Variants in LPP observed in about 807,000 individuals in gnomAD.
The protein encoded by LPP is LIM domain containing preferred translocation partner in lipoma.
A neutral mutation model predicts 60.4 loss-of-function variants in LPP; 38 were observed. The ratio of observed to expected loss-of-function variants is 0.63; its 90% CI spans 0.49 to 0.83. The LOEUF is 0.83. Among genes scored for constraint, LPP ranks in the 40% least tolerant of loss-of-function variants. The pLI, the probability that LPP is intolerant of heterozygous loss-of-function variation, is 0.00. For missense variants in LPP, 902 were observed against 783.6 expected, an observed-to-expected ratio of 1.15 and a Z score of -1.80; for synonymous variants, 328 against 290.8, an observed-to-expected ratio of 1.13 and a Z score of -1.30.
intron 11 of LPP, 71 bp from the exon 12 acceptor site, chr3:188,874,280 A>G (rs1460821427): frequency 1.1e-4 from 156 of 1,482,348 alleles, no homozygotes; most frequent in Non-Finnish European, 3.6e-5. Flanking sequence ...AGAAAGCTCA[A>G]TCATGATGTT....
chr3:188,560,236 A>G (rs1227682765), intron 6 of LPP, among the ~76,000 whole-genome samples: 1 of 152,020 alleles, frequency 6.6e-6, no homozygotes, highest in Non-Finnish European at 1.5e-5. Flanking sequence ...AGGGTCTCTG[A>G]CGCATCTCTG....
At chr3:188,288,451 G>A (rs1440366830) in intron 2 of LPP, among the ~76,000 whole-genome samples, 1 of 152,086 alleles carries the variant, frequency 6.6e-6, no homozygotes, top group Non-Finnish European at 1.5e-5. Context: ...TCCAGATGAG[G>A]CAGTTGAGTG....
intron 6 of LPP, among the ~76,000 whole-genome samples, chr3:188,590,217 C>T (rs1838365988): frequency 6.6e-6 from 1 of 152,178 alleles, no homozygotes; most frequent in Non-Finnish European, 1.5e-5. Flanking sequence ...TAGAGAATAT[C>T]TAGGAACAAT....
intron 6 of LPP, among the ~76,000 whole-genome samples, chr3:188,583,616 C>T (rs1485464516): frequency 6.6e-6 from 1 of 152,118 alleles, no homozygotes; most frequent in African/African-American, 2.4e-5. Flanking sequence ...TTTTAAGTTC[C>T]ATGAGGACGA....
chr3:188,427,338 G>C lies in LPP; in HGVS notation c.193+21025G>C, dbSNP rs146305336. On this transcript the variant is annotated intron_variant, in intron 4 of 11. Coordinates refer to ENST00000617246, the MANE Select transcript of LPP (RefSeq NM_001375462.1). The stretch of plus-strand genomic sequence containing the variant: ...GAGAGATCTGCTGTTAGTCTGATGA[G>C]GTTCCCTTTGTAGGTAACCTGACCT... Among the ~76,000 whole-genome samples the C allele has an allele frequency of 2.5e-3, 373 of 152,244 alleles. 1 individual carries two copies. Among genetic ancestry groups the C allele is most frequent in the Middle Eastern group, 0.01 (3 of 294 alleles).
intron 3 of LPP, among the ~76,000 whole-genome samples, chr3:188,363,905 C>CCAA (rs747139354): frequency 6.2e-5 from 6 of 96,906 alleles, no homozygotes; most frequent in East Asian, 3.3e-4. Context: ...AACTCCCTCC[C>CCAA]AAAAAAAAAA....
At chr3:188,594,913 T>C (rs1423208590) in intron 6 of LPP, among the ~76,000 whole-genome samples, 1 of 152,208 alleles carries the variant, frequency 6.6e-6, no homozygotes, top group Non-Finnish European at 1.5e-5. Flanking sequence ...ACTTTTATCA[T>C]GATATATGTA....
chr3:188,527,015 C>T (rs1486539801), intron 6 of LPP, among the ~76,000 whole-genome samples: 2 of 151,998 alleles, frequency 1.3e-5, no homozygotes, highest in East Asian at 1.9e-4. Flanking sequence ...GGAATTGTAT[C>T]GTTCGAGACA....
intron 6 of LPP, among the ~76,000 whole-genome samples, chr3:188,535,537 G>T (rs1823341605): frequency 6.6e-6 from 1 of 152,154 alleles, no homozygotes. Flanking sequence ...GTTAGCACAT[G>T]ACAAAGTTAT....
At chr3:188,692,568 C>A (rs1862362049) in intron 7 of LPP, among the ~76,000 whole-genome samples, 1 of 152,232 alleles carries the variant, frequency 6.6e-6, no homozygotes, top group African/African-American at 2.4e-5. Flanking sequence ...ACCATCTCCC[C>A]TTTCTCTGTG....
intron 1 of LPP, among the ~76,000 whole-genome samples, chr3:188,178,336 G>A (rs1446965984): frequency 6.6e-6 from 1 of 152,224 alleles, no homozygotes; most frequent in East Asian, 1.9e-4. Context: ...TCCTCACGCT[G>A]AGACCCAGGT....
chr3:188,181,222 G>C (rs1243746603), intron 1 of LPP, among the ~76,000 whole-genome samples: 1 of 151,842 alleles, frequency 6.6e-6, no homozygotes, highest in Non-Finnish European at 1.5e-5. Flanking sequence ...ACTTGGTAGC[G>C]CATGCCTGTA....
chr3:188,753,638 C>G (rs1728893539), intron 8 of LPP, among the ~76,000 whole-genome samples: 3 of 143,074 alleles, frequency 2.1e-5, no homozygotes, highest in East Asian at 4.2e-4. Flanking sequence ...TTTTTTTTTA[C>G]TTTACCTTAA....
At chr3:188,769,729 T>G (rs1378704849) in intron 9 of LPP, among the ~76,000 whole-genome samples, 1 of 152,148 alleles carries the variant, frequency 6.6e-6, no homozygotes, top group Non-Finnish European at 1.5e-5. Context: ...AGAACTACTT[T>G]CTTTGGGACC....
intron 1 of LPP, among the ~76,000 whole-genome samples, chr3:188,224,864 C>A (rs536656916): frequency 2.0e-5 from 3 of 152,278 alleles, no homozygotes; most frequent in East Asian, 1.9e-4. Context: ...GCAGGCCCCA[C>A]CTCCAACAGC....
At chr3:188,659,899 T>C (rs1321371164) in intron 7 of LPP, among the ~76,000 whole-genome samples, 1 of 151,750 alleles carries the variant, frequency 6.6e-6, no homozygotes, top group African/African-American at 2.4e-5. Flanking sequence ...TAATTGTTAC[T>C]GTTCCCAATC....
At chr3:188,607,569 A>G (rs902034687) in intron 6 of LPP, among the ~76,000 whole-genome samples, 2 of 151,928 alleles carry the variant, frequency 1.3e-5, no homozygotes, top group Admixed American at 6.6e-5. Flanking sequence ...TCAATTAAAT[A>G]CATAGTGAAT....
At chr3:188,838,216 C>T (rs1247516971) in intron 9 of LPP, among the ~76,000 whole-genome samples, 1 of 151,980 alleles carries the variant, frequency 6.6e-6, no homozygotes, top group African/African-American at 2.4e-5. Flanking sequence ...TCCTTTTTTA[C>T]TTTATTATTC....
At chr3:188,502,157 A>C (rs926197158) in intron 5 of LPP, among the ~76,000 whole-genome samples, 4 of 152,108 alleles carry the variant, frequency 2.6e-5, no homozygotes, top group Non-Finnish European at 5.9e-5. Context: ...CAAGTCCTCT[A>C]TTTCCTGACT....
Sources: gnomAD v4.1 joint callset for allele counts (sites outside exome capture counted in the v4.1 genomes callset) on GRCh38, gnomAD v4.1.1 for gene constraint, MANE v1.5 for transcripts, NCBI Gene and HGNC (gene_info 2026-07-23, HGNC 2026-07-21) for gene names.